CNTNAP4: variants seen among roughly 807,000 people sequenced by gnomAD.
The protein encoded by CNTNAP4 is contactin-associated protein-like 4.
Under a neutral mutation model 148.4 loss-of-function variants are expected in CNTNAP4, and 98 were observed. The observed-to-expected ratio is 0.66, with a 90% CI of 0.56 to 0.78. The LOEUF (loss-of-function observed/expected upper bound fraction) is 0.78, where lower values mean the gene tolerates loss of function less well. CNTNAP4 is among the 30% of genes least tolerant of loss of function. The pLI, the probability that CNTNAP4 is intolerant of heterozygous loss-of-function variation, is 0.00. For synonymous variants in CNTNAP4, 730 were observed against 565.1 expected (o/e 1.29, Z -4.14); for missense variants, 1,935 against 1,565.6 (o/e 1.24, Z -3.98).
At chr16:76,522,919 C>T (rs1166462581) in intron 17 of CNTNAP4, among the ~76,000 whole-genome samples, 5 of 151,414 alleles carry the variant, frequency 3.3e-5, no homozygotes, top group Non-Finnish European at 7.4e-5. Flanking sequence ...CCTACCACTA[C>T]GCCTGGCTAA....
At chr16:76,527,250 A>G (rs552865199) in intron 17 of CNTNAP4, among the ~76,000 whole-genome samples, 1 of 152,266 alleles carries the variant, frequency 6.6e-6, no homozygotes, top group East Asian at 1.9e-4. Context: ...CACATGTCAT[A>G]TGTAGAAGGA....
At chr16:76,453,538 C>T (rs763450818) in intron 8 of CNTNAP4, among the ~76,000 whole-genome samples, 11 of 152,180 alleles carry the variant, frequency 7.2e-5, no homozygotes, top group Non-Finnish European at 1.6e-4. Context: ...CCAAGCCAAG[C>T]AACTAGAGGT....
chr16:76,449,034 G>A (rs2143179763), intron 6 of CNTNAP4, 83 bp downstream of exon 6: 2 of 1,283,240 alleles, frequency 1.6e-6, no homozygotes, highest in Non-Finnish European at 2.2e-6. Context: ...ACTATAAAGA[G>A]CCCACCTTTT....
chr16:76,526,694 GAC>G (rs1281083789), intron 17 of CNTNAP4, among the ~76,000 whole-genome samples: 1 of 151,976 alleles, frequency 6.6e-6, no homozygotes, highest in Non-Finnish European at 1.5e-5. Flanking sequence ...TTATTTTTGA[GAC>G]AGAGTCTCAC....
chr16:76,403,898 G>A (rs1202361894), intron 3 of CNTNAP4, among the ~76,000 whole-genome samples: 1 of 152,186 alleles, frequency 6.6e-6, no homozygotes, highest in African/African-American at 2.4e-5. Flanking sequence ...TCTTTTATGG[G>A]AACATGGATG....
intron 3 of CNTNAP4, among the ~76,000 whole-genome samples, chr16:76,369,804 T>C (rs2014584615): frequency 6.6e-6 from 1 of 152,174 alleles, no homozygotes; most frequent in African/African-American, 2.4e-5. Flanking sequence ...ATTGTGCCAC[T>C]GTACTCCAGT....
chr16:76,308,702 A>G (rs1567649013), intron 1 of CNTNAP4, among the ~76,000 whole-genome samples: 1 of 152,378 alleles, frequency 6.6e-6, no homozygotes, highest in East Asian at 1.9e-4. Context: ...GGACACAATC[A>G]TGGGAAATTT....
intron 7 of CNTNAP4, 128 bp from the exon 8 acceptor site, chr16:76,452,380 T>A (rs532101262): frequency 1.2e-6 from 1 of 826,790 alleles, no homozygotes; most frequent in Non-Finnish European, 1.9e-6. Context: ...TGGTTTGGAC[T>A]GTCATGTTGA....
At chr16:76,490,835 G>A (rs948998703) in intron 13 of CNTNAP4, among the ~76,000 whole-genome samples, 22 of 152,032 alleles carry the variant, frequency 1.4e-4, no homozygotes, top group African/African-American at 4.8e-4. Flanking sequence ...TGGCATTGAG[G>A]TGTATTTTTC....
At chr16:76,405,249 C>T (rs1051568993) in intron 3 of CNTNAP4, among the ~76,000 whole-genome samples, 33 of 152,306 alleles carry the variant, frequency 2.2e-4, no homozygotes, top group African/African-American at 7.9e-4. Flanking sequence ...TAGAGACCAT[C>T]TTAAAACCAT....
At chr16:76,500,625 TG>T in intron 15 of CNTNAP4, among the ~76,000 whole-genome samples, 1 of 151,460 alleles carries the variant, frequency 6.6e-6, no homozygotes, top group South Asian at 2.1e-4. Context: ...TTTGTGTGTG[TG>T]TGTGTGTGTG....
intron 3 of CNTNAP4, among the ~76,000 whole-genome samples, chr16:76,413,573 A>AC (rs1555548148): frequency 1.3e-5 from 2 of 148,800 alleles, no homozygotes; most frequent in East Asian, 3.9e-4. Context: ...TAAAAAAAAA[A>AC]CCCTCCAACT....
At chr16:76,522,707 T>TC (rs71134765) in intron 17 of CNTNAP4, among the ~76,000 whole-genome samples, 4,660 of 30,510 alleles carry the variant, frequency 0.15, 771 homozygotes, top group Admixed American at 0.17. Flanking sequence ...TTTTCTTTTC[T>TC]TTTCTTTTCT....
chr16:76,486,017 T>A lies in CNTNAP4; in HGVS notation c.1883-3669T>A, dbSNP rs192398082. 2.9e-3 allele frequency among the ~76,000 whole-genome samples: 445 copies of A among 152,336 alleles called. 2 individuals carry two copies. Among genetic ancestry groups the A allele is most frequent in the African/African-American group, 0.01 (433 of 41,586 alleles). On this transcript the variant is annotated intron_variant, in intron 12 of 23. Transcript: ENST00000611870. ...GCAAGTGTATTGCTTAAACAGCATGTTTTCACTTTGCACTGTTATCACACT... is the reference window on the plus strand; with the variant it reads ...GCAAGTGTATTGCTTAAACAGCATGATTTCACTTTGCACTGTTATCACACT...
At chr16:76,281,554 G>T (rs1419041428) in intron 1 of CNTNAP4, among the ~76,000 whole-genome samples, 3 of 151,948 alleles carry the variant, frequency 2.0e-5, no homozygotes, top group African/African-American at 4.8e-5. Context: ...AAAGATTATT[G>T]TCTTGTAAAA....
At chr16:76,486,466 C>T (rs1329576721) in intron 12 of CNTNAP4, among the ~76,000 whole-genome samples, 2 of 152,018 alleles carry the variant, frequency 1.3e-5, no homozygotes, top group African/African-American at 4.8e-5. Context: ...AGGGAAGTCA[C>T]TAGAACCTCA....
At chr16:76,316,207 T>C (rs1011065855) in intron 1 of CNTNAP4, 77 of 597,476 alleles carry the variant, frequency 1.3e-4, no homozygotes, top group Non-Finnish European at 2.1e-4. Flanking sequence ...TTTAAAGTAT[T>C]TTCATATTCT....
intron 3 of CNTNAP4, among the ~76,000 whole-genome samples, chr16:76,385,681 G>A (rs1471143352): frequency 1.3e-5 from 2 of 151,916 alleles, no homozygotes; most frequent in East Asian, 3.9e-4. Context: ...TTAGAGTCCC[G>A]TGAGCCTCTG....
chr16:76,316,017 C>G (rs1944577657), intron 1 of CNTNAP4, among the ~76,000 whole-genome samples: 1 of 152,030 alleles, frequency 6.6e-6, no homozygotes, highest in Admixed American at 6.6e-5. Flanking sequence ...TAATTGTATA[C>G]TGGGTTATAG....
Sources: gnomAD v4.1 joint callset for allele counts (sites outside exome capture counted in the v4.1 genomes callset) on GRCh38, gnomAD v4.1.1 for gene constraint, MANE v1.5 for transcripts, NCBI Gene and HGNC (gene_info 2026-07-23, HGNC 2026-07-21) for gene names.